The following SLC16A7 variants were observed in gnomAD, a reference collection of about 807,000 sequenced individuals.
The protein encoded by SLC16A7 is solute carrier family 16 member 7, also known as monocarboxylate transporter 2.
SLC16A7 carries 33 observed loss-of-function variants against 34.9 expected under a neutral mutation model. The observed-to-expected ratio is 0.94, with a 90% CI of 0.72 to 1.26. The LOEUF (loss-of-function observed/expected upper bound fraction) is 1.26. Ranked by LOEUF, SLC16A7 falls within the 50% of genes most tolerant of loss-of-function variation. The pLI is 0.00. For missense variants in SLC16A7, 573 were observed against 578.1 expected, an observed-to-expected ratio of 0.99 and a Z score of 0.09; for synonymous variants, 201 against 206.6, an observed-to-expected ratio of 0.97 and a Z score of 0.23.
chr12:59,662,974 C>T (rs957874522), intron 2 of SLC16A7, among the ~76,000 whole-genome samples: 2 of 151,954 alleles, frequency 1.3e-5, no homozygotes, highest in Non-Finnish European at 2.9e-5. Context: ...ATAATTTGAA[C>T]TCTTTAAACT....
Position 59,714,766 on chromosome 12 carries a change from C to A in SLC16A7, c.217+9748C>A, listed in dbSNP as rs536425448. On this transcript the variant is annotated intron_variant, in intron 3 of 5. Coordinates refer to ENST00000547379, the MANE Select transcript of SLC16A7 (RefSeq NM_001270623.2). The stretch of plus-strand genomic sequence containing the variant: ...TTTTAGTAGATATGGGGTTTCGCCA[C>A]ATTGGCAAGACTGGTCTTGAACTCC... Among the ~76,000 whole-genome samples, 213 of 152,106 alleles carry A rather than the reference C, an allele frequency of 1.4e-3. 1 individual carries two copies. The highest frequency in any genetic ancestry group is 6.8e-3 in the Middle Eastern group (2 of 294).
At chr12:59,656,359 C>T (rs1290153568) in intron 2 of SLC16A7, among the ~76,000 whole-genome samples, 1 of 151,876 alleles carries the variant, frequency 6.6e-6, no homozygotes, top group Non-Finnish European at 1.5e-5. Flanking sequence ...TGTGCATGGG[C>T]CCAGCGTCAT....
chr12:59,665,812 G>A (rs1172038207), intron 2 of SLC16A7, among the ~76,000 whole-genome samples: 4 of 85,094 alleles, frequency 4.7e-5, no homozygotes, highest in East Asian at 1.6e-3. Flanking sequence ...TATAACACGT[G>A]TGTGTGTGTG....
At chr12:59,730,663 A>C (rs1421972909) in intron 3 of SLC16A7, among the ~76,000 whole-genome samples, 1 of 152,152 alleles carries the variant, frequency 6.6e-6, no homozygotes, top group Admixed American at 6.5e-5. Flanking sequence ...TGCAAAGTTC[A>C]TATATTTTTC....
At chr12:59,741,274 C>G (rs1026065402) in intron 3 of SLC16A7, among the ~76,000 whole-genome samples, 1 of 152,272 alleles carries the variant, frequency 6.6e-6, no homozygotes, top group South Asian at 2.1e-4. Flanking sequence ...AGCCTATCCT[C>G]AAAGATTCTT....
chr12:59,674,556 G>A (rs756811872), intron 2 of SLC16A7, among the ~76,000 whole-genome samples: 41 of 152,138 alleles, frequency 2.7e-4, no homozygotes, highest in Non-Finnish European at 4.6e-4. Flanking sequence ...TCTGAACTGC[G>A]CTAATATTTT....
In SLC16A7 at chr12:59,787,209, C is replaced by T. The variant is rs952014639; in HGVS notation, c.*7530C>T. 6.6e-6 allele frequency: 1 copy of T among 152,082 alleles called. No homozygotes were observed. The highest frequency in any genetic ancestry group is 2.4e-5 in the African/African-American group (1 of 41,402). 9.4% of individuals were successfully genotyped at this position (152,082 alleles called of 1,614,324 possible). A position where few individuals can be genotyped will look rare whatever the true frequency, so the allele number is the denominator to read the frequency against. On this transcript the variant is annotated 3_prime_UTR_variant, in exon 6 of 6. Coordinates refer to ENST00000547379, the MANE Select transcript of SLC16A7 (RefSeq NM_001270623.2). ...AAGTAGAACGCCAGAGCACAGAACA[C>T]ACAGTTCAAGTTTAAATTATTAAAT... is the stretch of plus-strand genomic sequence containing the variant.
At chr12:59,775,979 T>C (rs185645024) in intron 5 of SLC16A7, among the ~76,000 whole-genome samples, 1 of 152,302 alleles carries the variant, frequency 6.6e-6, no homozygotes, top group East Asian at 1.9e-4. Flanking sequence ...TTCATGTATC[T>C]ATTCCATATA....
chr12:59,622,236 T>TA, intron 1 of SLC16A7, among the ~76,000 whole-genome samples: 2 of 152,050 alleles, frequency 1.3e-5, no homozygotes, highest in East Asian at 3.9e-4. Flanking sequence ...GGCTTCTGTG[T>TA]AAGCCACTGT....
chr12:59,718,501 T>C (rs977352244), intron 3 of SLC16A7, among the ~76,000 whole-genome samples: 3 of 152,152 alleles, frequency 2.0e-5, no homozygotes, highest in African/African-American at 7.2e-5. Context: ...GATACCTCTC[T>C]GCTTCAATTC....
intron 1 of SLC16A7, among the ~76,000 whole-genome samples, chr12:59,647,273 A>G (rs114705265): frequency 0.013 from 1,914 of 152,136 alleles, 45 homozygotes; most frequent in African/African-American, 0.043. Context: ...AGGGGACCTG[A>G]TGGGAGGTAA....
At chr12:59,714,165 A>G (rs1203465405) in intron 3 of SLC16A7, among the ~76,000 whole-genome samples, 4 of 152,168 alleles carry the variant, frequency 2.6e-5, no homozygotes, top group African/African-American at 9.7e-5. Context: ...AGAGTCATGG[A>G]GAGTTCTAGT....
At chr12:59,777,694 G>A (rs1215259105) in intron 5 of SLC16A7, among the ~76,000 whole-genome samples, 1 of 150,834 alleles carries the variant, frequency 6.6e-6, no homozygotes, top group African/African-American at 2.4e-5. Context: ...GGGTATATGT[G>A]CACAATGTGC....
chr12:59,648,900 A>G (rs1868295821), intron 1 of SLC16A7, among the ~76,000 whole-genome samples: 1 of 152,164 alleles, frequency 6.6e-6, no homozygotes, highest in African/African-American at 2.4e-5. Context: ...ATAGGTATTG[A>G]TTATCAATAT....
At chr12:59,713,612 G>C (rs904278511) in intron 3 of SLC16A7, among the ~76,000 whole-genome samples, 1 of 152,124 alleles carries the variant, frequency 6.6e-6, no homozygotes, top group Non-Finnish European at 1.5e-5. Context: ...AATCTAGATG[G>C]CTCTCCTTGA....
At chr12:59,606,407 A>G (rs1336740294) in intron 1 of SLC16A7, among the ~76,000 whole-genome samples, 1 of 152,204 alleles carries the variant, frequency 6.6e-6, no homozygotes, top group East Asian at 1.9e-4. Flanking sequence ...GCAAGACAAT[A>G]ATCATTCTGT....
chr12:59,767,172 CAA>C (rs1881746186), intron 3 of SLC16A7, among the ~76,000 whole-genome samples: 1 of 150,570 alleles, frequency 6.6e-6, no homozygotes, highest in South Asian at 2.1e-4. Context: ...TTCTAGTATG[CAA>C]ATAAACTAGA....
intron 3 of SLC16A7, among the ~76,000 whole-genome samples, chr12:59,711,699 G>A (rs953282877): frequency 1.3e-5 from 2 of 151,974 alleles, no homozygotes; most frequent in African/African-American, 4.8e-5. Context: ...CTGGTTTTTT[G>A]TACAGACGAG....
At chr12:59,607,646 ACATGAGGGAATGCTGG>A in intron 1 of SLC16A7, among the ~76,000 whole-genome samples, 2 of 152,152 alleles carry the variant, frequency 1.3e-5, no homozygotes, top group South Asian at 4.1e-4. Flanking sequence ...TATTTTCATA[ACATGAGGGAATGCTGG>A]ATATAACTCT....
Sources: gnomAD v4.1 joint callset for allele counts (sites outside exome capture counted in the v4.1 genomes callset) on GRCh38, gnomAD v4.1.1 for gene constraint, MANE v1.5 for transcripts, NCBI Gene and HGNC (gene_info 2026-07-23, HGNC 2026-07-21) for gene names.